RIMKLB: variants seen among roughly 807,000 people sequenced by gnomAD.
The protein encoded by RIMKLB is ribosomal modification protein rimK like family member B.
In RIMKLB, 7 loss-of-function variants were observed where a neutral mutation model predicts 32.0. The observed-to-expected ratio is 0.22, with a 90% CI of 0.12 to 0.41. The LOEUF (loss-of-function observed/expected upper bound fraction) is 0.41. Among genes scored for constraint, RIMKLB ranks in the 10% least tolerant of loss-of-function variants. The pLI is 1.00. For synonymous variants in RIMKLB, 172 were observed against 185.1 expected (o/e 0.93, Z 0.57); for missense variants, 289 against 498.7 (o/e 0.58, Z 4.00).
the RIMKLB span, among the ~76,000 whole-genome samples, chr12:8,670,977 G>A: frequency 6.6e-6 from 1 of 152,236 alleles, no homozygotes; most frequent in African/African-American, 2.4e-5. Context: ...AGCCCAAGCT[G>A]TATGTTGGCC....
rs1427570887 is a variant in RIMKLB at position 8,776,164 on chromosome 12, T to C, written c.*2380T>C. 1 of 984,306 alleles carries C rather than the reference T, an allele frequency of 1.0e-6. No individual in the cohort carries two copies. Among genetic ancestry groups the C allele is most frequent in the Non-Finnish European group, 1.2e-6 (1 of 828,990 alleles). 61.0% of individuals were successfully genotyped at this position (984,306 alleles called of 1,614,324 possible). On this transcript the variant is annotated 3_prime_UTR_variant, in exon 6 of 6. Transcript: ENST00000535829. ...GGCATCAGGAAAAATGTAGTTAGTC[T>C]TTTCTTAACTTATACCAAATTAACC...
chr12:8,766,289 C>T (rs1949953337), intron 5 of RIMKLB, among the ~76,000 whole-genome samples: 1 of 152,112 alleles, frequency 6.6e-6, no homozygotes, highest in South Asian at 2.1e-4. Flanking sequence ...ACCTGTTTTC[C>T]CGCCTTTCTT....
intron 1 of RIMKLB, among the ~76,000 whole-genome samples, chr12:8,706,607 C>T (rs1311936111): frequency 2.0e-5 from 3 of 151,816 alleles, no homozygotes; most frequent in African/African-American, 4.8e-5. Flanking sequence ...TGCACCCCTG[C>T]GTCCGGCTAA....
chr12:8,731,770 A>AT (rs1374102790), intron 2 of RIMKLB, among the ~76,000 whole-genome samples: 11 of 151,080 alleles, frequency 7.3e-5, no homozygotes, highest in South Asian at 6.3e-4. Flanking sequence ...ATACCTGCGG[A>AT]TTTTTTTTTA....
chr12:8,740,949 C>G (rs1359246137), intron 2 of RIMKLB, among the ~76,000 whole-genome samples: 1 of 151,994 alleles, frequency 6.6e-6, no homozygotes, highest in East Asian at 1.9e-4. Flanking sequence ...TGGCTCACGC[C>G]TGTAATCCCA....
intron 1 of RIMKLB, among the ~76,000 whole-genome samples, chr12:8,707,160 C>T (rs1307627355): frequency 2.0e-5 from 3 of 152,158 alleles, no homozygotes; most frequent in Non-Finnish European, 4.4e-5. Flanking sequence ...GCAACGGACA[C>T]CAGCTAGGTG....
At chr12:8,722,188 A>G (rs1945511602) in intron 2 of RIMKLB, among the ~76,000 whole-genome samples, 1 of 150,360 alleles carries the variant, frequency 6.7e-6, no homozygotes, top group African/African-American at 2.5e-5. Context: ...GAAAGTAGAA[A>G]TTACTCCTGT....
chr12:8,781,554 T>G (rs895387781), downstream of RIMKLB, among the ~76,000 whole-genome samples: 1 of 152,230 alleles, frequency 6.6e-6, no homozygotes, highest in African/African-American at 2.4e-5. Context: ...CTTGCTTATC[T>G]GGCTGGGCTT....
At chr12:8,752,076 T>C (rs1160431441) in intron 4 of RIMKLB, 33 bp downstream of exon 4, 5 of 1,341,806 alleles carry the variant, frequency 3.7e-6, no homozygotes, top group Non-Finnish European at 4.2e-6. Flanking sequence ...GTATATAGTT[T>C]TGAAACTATT....
chr12:8,726,658 C>CT (rs576936354), intron 2 of RIMKLB, among the ~76,000 whole-genome samples: 1,776 of 144,044 alleles, frequency 0.012, 12 homozygotes, highest in South Asian at 0.023. Flanking sequence ...CCATTTTATT[C>CT]TTTTTTTTTT....
chr12:8,772,282 T>G (rs981182932), intron 5 of RIMKLB, among the ~76,000 whole-genome samples: 3 of 152,036 alleles, frequency 2.0e-5, no homozygotes, highest in African/African-American at 7.3e-5. Context: ...TGTACTCTCT[T>G]TGAGTTTCTC....
At chr12:8,744,297 C>G (rs993218807) in intron 2 of RIMKLB, among the ~76,000 whole-genome samples, 7 of 151,910 alleles carry the variant, frequency 4.6e-5, no homozygotes, top group Admixed American at 2.6e-4. Context: ...GAATTTCTTT[C>G]CATCCTCACT....
At chr12:8,771,743 TAGCTGTTTTAGTC>T (rs1192289214) in intron 5 of RIMKLB, among the ~76,000 whole-genome samples, 2 of 152,208 alleles carry the variant, frequency 1.3e-5, no homozygotes, top group Non-Finnish European at 2.9e-5. Context: ...ACCTGGATTT[TAGCTGTTTTAGTC>T]AGCAGACTAA....
At position 8,767,356 on chromosome 12, in the gene RIMKLB, G is replaced by C. The variant is rs762095185; in HGVS notation, c.698-5965G>C. On this transcript the variant is annotated intron_variant, in intron 5 of 5. Coordinates refer to ENST00000535829, the MANE Select transcript of RIMKLB (RefSeq NM_001297776.2). Reference sequence around the variant, plus strand: ...AGAGCTGTATGCCTAAATTGGGAGAGACACCAGGGACAAGACTCTCTGGCT... The same window carrying C: ...AGAGCTGTATGCCTAAATTGGGAGACACACCAGGGACAAGACTCTCTGGCT... Among the ~76,000 whole-genome samples, 24 of 152,266 alleles carry C rather than the reference G, an allele frequency of 1.6e-4. No homozygotes were observed. In the East Asian group the frequency reaches 4.1e-3, roughly 26 times the overall value.
intron 5 of RIMKLB, among the ~76,000 whole-genome samples, chr12:8,765,672 G>A (rs1949899165): frequency 6.6e-6 from 1 of 152,128 alleles, no homozygotes; most frequent in Admixed American, 6.6e-5. Context: ...ACTGCTTGGA[G>A]GGGGCATAAT....
rs58187682 is a variant in RIMKLB, at chr12:8,748,519, C to CGTGTGTGTGT, written c.176-1313_176-1304dup. On this transcript the variant is annotated intron_variant, in intron 2 of 5. Coordinates refer to ENST00000535829, the MANE Select transcript of RIMKLB (RefSeq NM_001297776.2). ...CCCCCACAGACAAGGTGGGATTATT[C>CGTGTGTGTGT]GTGTGTGTGTGTGTGTGTGTGTGTG... Among the ~76,000 whole-genome samples, 773 of 131,270 alleles carry CGTGTGTGTGT rather than the reference C, an allele frequency of 5.9e-3. 11 individuals carry two copies. The highest frequency in any genetic ancestry group is 0.02 in the South Asian group (79 of 3,908). 86.1% of individuals were successfully genotyped at this position (131,270 alleles called of 152,430 possible). A position where few individuals can be genotyped will look rare whatever the true frequency, so the allele number is the denominator to read the frequency against.
intron 2 of RIMKLB, among the ~76,000 whole-genome samples, chr12:8,717,154 CA>C (rs539168357): frequency 1.3e-4 from 19 of 148,294 alleles, no homozygotes; most frequent in Non-Finnish European, 2.2e-4. Context: ...GATGAGGAAA[CA>C]GCCTCTTTCA....
At chr12:8,699,003 C>T (rs1039284359) in intron 1 of RIMKLB, among the ~76,000 whole-genome samples, 1 of 152,128 alleles carries the variant, frequency 6.6e-6, no homozygotes, top group African/African-American at 2.4e-5. Context: ...TCAATCTCCC[C>T]TTATTAATAT....
At chr12:8,767,970 A>G (rs2138163964) in intron 5 of RIMKLB, among the ~76,000 whole-genome samples, 1 of 152,266 alleles carries the variant, frequency 6.6e-6, no homozygotes, top group South Asian at 2.1e-4. Flanking sequence ...AAATGTTACC[A>G]GGGGGTCCTT....
Sources: allele counts gnomAD v4.1 joint callset (sites outside exome capture counted in the v4.1 genomes callset), GRCh38; gene constraint gnomAD v4.1.1; transcripts MANE v1.5; gene names NCBI Gene and HGNC (gene_info 2026-07-23, HGNC 2026-07-21).